Variants in GALNTL6 observed in about 807,000 individuals in gnomAD.
The protein encoded by GALNTL6 is polypeptide N-acetylgalactosaminyltransferase-like 6.
Under a neutral mutation model 73.7 loss-of-function variants are expected in GALNTL6, and 46 were observed. The observed-to-expected ratio is 0.62, with a 90% CI of 0.49 to 0.80. GALNTL6 has a LOEUF of 0.80. GALNTL6 is among the 30% of genes least tolerant of loss of function. The pLI, the probability that GALNTL6 is intolerant of heterozygous loss-of-function variation, is 0.00. For missense variants in GALNTL6, 604 were observed against 755.0 expected (o/e 0.80, Z 2.34); for synonymous variants, 259 against 263.7 (o/e 0.98, Z 0.17).
intron 5 of GALNTL6, among the ~76,000 whole-genome samples, chr4:172,625,534 T>C (rs768196679): frequency 6.6e-6 from 1 of 152,120 alleles, no homozygotes; most frequent in Non-Finnish European, 1.5e-5. Flanking sequence ...CTTTTGGATA[T>C]ATACCCAGTA....
chr4:171,907,066 T>C (rs1327649277), intron 2 of GALNTL6, among the ~76,000 whole-genome samples: 6 of 152,098 alleles, frequency 3.9e-5, no homozygotes, highest in Admixed American at 6.6e-5. Flanking sequence ...CTGGAAGCAT[T>C]CCTTTTGAAA....
At chr4:172,861,605 C>A (rs1311779155) in intron 7 of GALNTL6, among the ~76,000 whole-genome samples, 1 of 152,032 alleles carries the variant, frequency 6.6e-6, no homozygotes, top group Non-Finnish European at 1.5e-5. Context: ...TGGCTATGTC[C>A]CCACCCACAT....
At chr4:172,537,757 A>G (rs564673132) in intron 5 of GALNTL6, among the ~76,000 whole-genome samples, 6 of 152,364 alleles carry the variant, frequency 3.9e-5, no homozygotes, top group African/African-American at 1.2e-4. Flanking sequence ...GTCTGAATAT[A>G]TAAAGGGTGT....
intron 5 of GALNTL6, among the ~76,000 whole-genome samples, chr4:172,752,664 C>T (rs1013260702): frequency 1.3e-5 from 2 of 151,786 alleles, no homozygotes; most frequent in Non-Finnish European, 2.9e-5. Flanking sequence ...GAAAAATAGT[C>T]CCAGAAGTGG....
intron 3 of GALNTL6, among the ~76,000 whole-genome samples, chr4:172,285,261 T>G (rs1292754167): frequency 6.6e-6 from 1 of 152,134 alleles, no homozygotes; most frequent in Non-Finnish European, 1.5e-5. Flanking sequence ...TTATAGAAGC[T>G]TTTCATACTC....
At chr4:172,987,631 T>C (rs1483217470) in intron 10 of GALNTL6, among the ~76,000 whole-genome samples, 1 of 152,238 alleles carries the variant, frequency 6.6e-6, no homozygotes, top group Non-Finnish European at 1.5e-5. Flanking sequence ...TGAATTATAA[T>C]ACCCAGTGTT....
In GALNTL6 at chr4:172,798,629, C is replaced by A. The variant is rs866133814; in HGVS notation, c.554-10732C>A. On this transcript the variant is annotated intron_variant, in intron 5 of 12. Coordinates refer to ENST00000506823, the MANE Select transcript of GALNTL6 (RefSeq NM_001034845.3). Reference sequence around the variant, plus strand: ...TTCTTTATAGCAAGGCAAGAACAGACTAATAGTAAGTCATTAAGTCAAATC... The same window carrying A: ...TTCTTTATAGCAAGGCAAGAACAGAATAATAGTAAGTCATTAAGTCAAATC... Among the ~76,000 whole-genome samples, 5 of 152,264 alleles carry A rather than the reference C, an allele frequency of 3.3e-5. 1 individual carries two copies. Among genetic ancestry groups the A allele is most frequent in the Middle Eastern group, 6.8e-3 (2 of 292 alleles).
At chr4:172,163,862 G>A (rs144948085) in intron 2 of GALNTL6, among the ~76,000 whole-genome samples, 4 of 151,886 alleles carry the variant, frequency 2.6e-5, no homozygotes, top group Admixed American at 1.3e-4. Flanking sequence ...ACAGGTACAC[G>A]TGTCTATTTA....
intron 5 of GALNTL6, among the ~76,000 whole-genome samples, chr4:172,458,270 A>G (rs1732475248): frequency 6.6e-6 from 1 of 151,930 alleles, no homozygotes; most frequent in Admixed American, 6.6e-5. Flanking sequence ...AGAAACCAGG[A>G]AAGATCTAAA....
chr4:171,845,621 A>G (rs889850964), intron 2 of GALNTL6, among the ~76,000 whole-genome samples: 4 of 150,574 alleles, frequency 2.7e-5, no homozygotes, highest in East Asian at 1.9e-4. Context: ...GCTCTCTACA[A>G]CCGATTTTTC....
chr4:172,595,753 A>G (rs896841389), intron 5 of GALNTL6, among the ~76,000 whole-genome samples: 1 of 152,190 alleles, frequency 6.6e-6, no homozygotes, highest in African/African-American at 2.4e-5. Context: ...AAAAGAATTA[A>G]TAGATAACAT....
intron 5 of GALNTL6, among the ~76,000 whole-genome samples, chr4:172,734,198 C>A (rs184626641): frequency 5.9e-5 from 9 of 152,254 alleles, no homozygotes; most frequent in Admixed American, 5.2e-4. Context: ...AATTTCTAAG[C>A]AGCATTGTGT....
At chr4:172,952,006 T>C in intron 9 of GALNTL6, 31 bp from the exon 10 acceptor site, 1 of 1,439,240 alleles carries the variant, frequency 6.9e-7, no homozygotes, top group Non-Finnish European at 9.2e-7. Flanking sequence ...AATAAACCAA[T>C]AAATGACATT....
intron 10 of GALNTL6, among the ~76,000 whole-genome samples, chr4:173,000,807 A>G (rs1752013445): frequency 6.6e-6 from 1 of 152,200 alleles, no homozygotes; most frequent in Non-Finnish European, 1.5e-5. Flanking sequence ...TCAATAAGGA[A>G]TGGACAGTCT....
At chr4:172,946,124 CGT>C (rs71594019) in intron 9 of GALNTL6, among the ~76,000 whole-genome samples, 19,080 of 148,424 alleles carry the variant, frequency 0.13, 1,300 homozygotes, top group African/African-American at 0.16. Flanking sequence ...GGGGAAAAAG[CGT>C]GTGTGTGTGT....
chr4:172,908,940 GAAT>G (rs1747053847), intron 8 of GALNTL6, among the ~76,000 whole-genome samples: 2 of 151,514 alleles, frequency 1.3e-5, no homozygotes, highest in African/African-American at 4.8e-5. Flanking sequence ...AGAAGAAATA[GAAT>G]AATAAGAAAA....
chr4:172,694,927 A>G (rs750408317), intron 5 of GALNTL6, among the ~76,000 whole-genome samples: 1 of 152,210 alleles, frequency 6.6e-6, no homozygotes, highest in Non-Finnish European at 1.5e-5. Flanking sequence ...ATGACTTCCA[A>G]TTGCTTTTGG....
intron 9 of GALNTL6, among the ~76,000 whole-genome samples, chr4:172,931,855 G>A (rs928360765): frequency 1.3e-5 from 2 of 152,128 alleles, no homozygotes; most frequent in African/African-American, 4.8e-5. Flanking sequence ...CAGATGCAAA[G>A]ATGCTCTTCT....
At chr4:172,723,466 G>A (rs557368219) in intron 5 of GALNTL6, among the ~76,000 whole-genome samples, 9 of 152,168 alleles carry the variant, frequency 5.9e-5, no homozygotes, top group Non-Finnish European at 1.2e-4. Context: ...AAGATCTTGT[G>A]GAAAGGGATA....
Sources: gnomAD v4.1 joint callset for allele counts (sites outside exome capture counted in the v4.1 genomes callset) on GRCh38, gnomAD v4.1.1 for gene constraint, MANE v1.5 for transcripts, NCBI Gene and HGNC (gene_info 2026-07-23, HGNC 2026-07-21) for gene names.